RIMS2: variants seen among roughly 807,000 people sequenced by gnomAD.
The protein encoded by RIMS2 is regulating synaptic membrane exocytosis protein 2.
A neutral mutation model predicts 174.4 loss-of-function variants in RIMS2; 59 were observed. The ratio of observed to expected loss-of-function variants is 0.34; its 90% CI spans 0.27 to 0.42. The LOEUF (loss-of-function observed/expected upper bound fraction) is 0.42. RIMS2 is among the 10% of genes least tolerant of loss of function. The probability of loss-of-function intolerance (pLI) is 1.00; values close to 1 mark genes in which losing one functional copy is unlikely to be tolerated. For synonymous variants in RIMS2, 606 were observed against 572.5 expected (o/e 1.06, Z -0.84); for missense variants, 1,620 against 1,666.3 (o/e 0.97, Z 0.48).
At chr8:104,163,649 T>TA (rs1437301822) in intron 19 of RIMS2, among the ~76,000 whole-genome samples, 1 of 152,204 alleles carries the variant, frequency 6.6e-6, no homozygotes, top group Non-Finnish European at 1.5e-5. Flanking sequence ...TTGGGACTGA[T>TA]ACAGTGGAAA....
intron 1 of RIMS2, among the ~76,000 whole-genome samples, chr8:103,548,142 C>T (rs1465598661): frequency 3.3e-5 from 5 of 152,120 alleles, no homozygotes; most frequent in Non-Finnish European, 5.9e-5. Context: ...GGAGAAGGGA[C>T]TCCTCCTTAA....
At chr8:103,831,635 ATAG>A (rs1258960346) in intron 3 of RIMS2, among the ~76,000 whole-genome samples, 1 of 152,128 alleles carries the variant, frequency 6.6e-6, no homozygotes, top group African/African-American at 2.4e-5. Context: ...TTGGTAGTTA[ATAG>A]TATTAACTAC....
intron 16 of RIMS2, among the ~76,000 whole-genome samples, chr8:103,986,440 C>T (rs1011182243): frequency 9.2e-5 from 14 of 151,442 alleles, no homozygotes; most frequent in Admixed American, 2.0e-4. Context: ...AGATTGGTGA[C>T]ATCAATACAA....
intron 1 of RIMS2, chr8:103,559,311 C>T: frequency 4.8e-6 from 1 of 209,420 alleles, no homozygotes; most frequent in Non-Finnish European, 9.8e-6. Flanking sequence ...GACATCTCTT[C>T]CATTTTCTGC....
chr8:104,107,059 C>G (rs898685816), intron 19 of RIMS2, among the ~76,000 whole-genome samples: 3 of 152,048 alleles, frequency 2.0e-5, no homozygotes, highest in Non-Finnish European at 4.4e-5. Context: ...TGGCCTGAGA[C>G]TTTAGGATTT....
At chr8:104,020,934 T>C (rs2096070292) in intron 19 of RIMS2, among the ~76,000 whole-genome samples, 1 of 152,032 alleles carries the variant, frequency 6.6e-6, no homozygotes. Context: ...CCAAATTCTA[T>C]CAAAATGGTA....
chr8:103,512,725 T>C (rs1280345888), intron 1 of RIMS2, among the ~76,000 whole-genome samples: 1 of 152,158 alleles, frequency 6.6e-6, no homozygotes, highest in Non-Finnish European at 1.5e-5. Context: ...ATTGATAGAA[T>C]TGGCATTAGA....
At chr8:103,782,169 A>G (rs913231721) in intron 3 of RIMS2, among the ~76,000 whole-genome samples, 1 of 150,058 alleles carries the variant, frequency 6.7e-6, no homozygotes, top group Non-Finnish European at 1.5e-5. Context: ...GTATTTTTAT[A>G]GACACTGTCT....
chr8:104,014,571 G>A (rs970683498), exon 19 of RIMS2: 6 of 1,612,976 alleles, frequency 3.7e-6, no homozygotes, highest in South Asian at 3.3e-5. Flanking sequence ...GGACGAAGGG[G>A]CCGACAGCTT....
intron 1 of RIMS2, among the ~76,000 whole-genome samples, chr8:103,519,486 C>T (rs1463567870): frequency 6.6e-6 from 1 of 152,064 alleles, no homozygotes; most frequent in African/African-American, 2.4e-5. Context: ...TTTCCCACCC[C>T]TTCCAGTTCA....
intron 12 of RIMS2, among the ~76,000 whole-genome samples, chr8:103,934,767 G>A (rs1011403556): frequency 6.7e-6 from 1 of 149,822 alleles, no homozygotes; most frequent in African/African-American, 2.5e-5. Context: ...GCACGATCTC[G>A]GCTCACTGCA....
intron 2 of RIMS2, among the ~76,000 whole-genome samples, chr8:103,720,898 A>C (rs181201574): frequency 9.2e-4 from 140 of 152,378 alleles, no homozygotes; most frequent in Middle Eastern, 3.4e-3. Flanking sequence ...TTGCATATTT[A>C]GAATAAATGC....
chr8:104,141,420 G>A (rs932751361), intron 19 of RIMS2, among the ~76,000 whole-genome samples: 1 of 152,064 alleles, frequency 6.6e-6, no homozygotes, highest in Non-Finnish European at 1.5e-5. Context: ...TAAAGATTTA[G>A]CCTTCATAAA....
intron 19 of RIMS2, among the ~76,000 whole-genome samples, chr8:104,122,829 C>T (rs2098394280): frequency 6.6e-6 from 1 of 152,028 alleles, no homozygotes; most frequent in Non-Finnish European, 1.5e-5. Flanking sequence ...ACTATTAACT[C>T]TTCAAATGTT....
intron 15 of RIMS2, among the ~76,000 whole-genome samples, chr8:103,967,639 A>G (rs945614185): frequency 6.6e-6 from 1 of 152,108 alleles, no homozygotes; most frequent in South Asian, 2.1e-4. Flanking sequence ...ATCTCCAACT[A>G]TAATGGTGGA....
intron 1 of RIMS2, among the ~76,000 whole-genome samples, chr8:103,552,944 C>T (rs1848702058): frequency 6.6e-6 from 1 of 152,140 alleles, no homozygotes; most frequent in Non-Finnish European, 1.5e-5. Context: ...AGTCAGGAAA[C>T]AACAGGTGCT....
chr8:104,177,788 T>A (rs892858750), intron 19 of RIMS2, among the ~76,000 whole-genome samples: 1 of 152,166 alleles, frequency 6.6e-6, no homozygotes, highest in Non-Finnish European at 1.5e-5. Context: ...ACCATATTTA[T>A]TTTTTTACTG....
At chr8:103,827,258 A>T (rs1172261933) in intron 3 of RIMS2, among the ~76,000 whole-genome samples, 1 of 152,204 alleles carries the variant, frequency 6.6e-6, no homozygotes, top group Non-Finnish European at 1.5e-5. Context: ...AAAAACTTCA[A>T]TATCGAGTTG....
chr8:103,651,182 G>A (rs1011191841), intron 1 of RIMS2, among the ~76,000 whole-genome samples: 1 of 152,232 alleles, frequency 6.6e-6, no homozygotes. Flanking sequence ...TCCTGGGCAG[G>A]TCACACAATC....
Sources: gnomAD v4.1 joint callset for allele counts (sites outside exome capture counted in the v4.1 genomes callset) on GRCh38, gnomAD v4.1.1 for gene constraint, MANE v1.5 for transcripts, NCBI Gene and HGNC (gene_info 2026-07-23, HGNC 2026-07-21) for gene names.